Variants in ADCY3 observed in about 807,000 individuals in gnomAD.
ADCY3 encodes adenylate cyclase type 3.
In ADCY3, 70 loss-of-function variants were observed where a neutral mutation model predicts 119.4. The observed-to-expected ratio is 0.59, with a 90% CI of 0.48 to 0.72. The LOEUF (loss-of-function observed/expected upper bound fraction) is 0.72, where lower values mean the gene tolerates loss of function less well. ADCY3 is among the 30% of genes least tolerant of loss of function. The pLI is 0.00. For synonymous variants in ADCY3, 672 were observed against 621.4 expected (o/e 1.08, Z -1.21); for missense variants, 1,238 against 1,541.6 (o/e 0.80, Z 3.30).
chr2:24,821,719 T>C, intron 19 of ADCY3, 79 bp from the exon 20 acceptor site: 2 of 1,563,580 alleles, frequency 1.3e-6, no homozygotes, highest in African/African-American at 2.7e-5. Context: ...CTGGCAGTGT[T>C]CTGGGGGTGG....
At chr2:24,868,474 A>G (rs1674580087) in intron 3 of ADCY3, among the ~76,000 whole-genome samples, 1 of 151,176 alleles carries the variant, frequency 6.6e-6, no homozygotes, top group South Asian at 2.1e-4. Context: ...ACGTGGTGAA[A>G]CCCTGTCTTT....
intron 16 of ADCY3, among the ~76,000 whole-genome samples, chr2:24,825,313 G>A (rs907044563): frequency 6.9e-6 from 1 of 145,074 alleles, no homozygotes; most frequent in Non-Finnish European, 1.5e-5. Flanking sequence ...TTTTTTGTCC[G>A]GTTGAGTGCG....
Position 24,829,461 on chromosome 2 carries a change from T to C in ADCY3, c.2172+1248A>G, listed in dbSNP as rs528827353. On this transcript the variant is annotated intron_variant, in intron 13 of 21. Coordinates refer to ENST00000679454, the MANE Select transcript of ADCY3 (RefSeq NM_004036.5). ...TTTTTGAGACAAAGTCTCACTCTGT[T>C]GCCAGGCTGGAGTGCAGTGCACAAT... is the stretch of plus-strand genomic sequence containing the variant. Among the ~76,000 whole-genome samples, 257 of 131,742 alleles carry C rather than the reference T, an allele frequency of 2.0e-3. 1 individual carries two copies. The Middle Eastern group carries it at 0.024, about 12-fold the overall frequency. 86.4% of individuals were successfully genotyped at this position (131,742 alleles called of 152,430 possible).
intron 8 of ADCY3, 38 bp from the exon 9 acceptor site, chr2:24,837,083 G>A: frequency 1.2e-6 from 2 of 1,609,202 alleles, no homozygotes; most frequent in Non-Finnish European, 1.7e-6. Context: ...TCTGGGCATG[G>A]GATGAGAGTG....
intron 3 of ADCY3, among the ~76,000 whole-genome samples, chr2:24,861,593 A>G (rs1673661787): frequency 6.6e-6 from 1 of 152,096 alleles, no homozygotes; most frequent in African/African-American, 2.4e-5. Flanking sequence ...AGGAGCTTTT[A>G]CAGGAGGAAA....
chr2:24,875,988 G>GC (rs1009935647), intron 2 of ADCY3, among the ~76,000 whole-genome samples: 2 of 150,770 alleles, frequency 1.3e-5, no homozygotes, highest in Admixed American at 6.6e-5. Flanking sequence ...CTTCTTTTTG[G>GC]GAGGGGGGCG....
chr2:24,909,878 C>G (rs567247130), intron 2 of ADCY3, among the ~76,000 whole-genome samples: 10 of 152,212 alleles, frequency 6.6e-5, no homozygotes, highest in African/African-American at 2.4e-4. Context: ...CCTCTTGCAT[C>G]TGAGTTAGCC....
chr2:24,869,858 A>C (rs953027709), intron 3 of ADCY3, among the ~76,000 whole-genome samples: 1 of 152,208 alleles, frequency 6.6e-6, no homozygotes, highest in Non-Finnish European at 1.5e-5. Context: ...ATGGAAAGGA[A>C]GGAAAATGGC....
intron 2 of ADCY3, among the ~76,000 whole-genome samples, chr2:24,885,470 G>A (rs944769412): frequency 6.6e-6 from 1 of 152,214 alleles, no homozygotes; most frequent in Non-Finnish European, 1.5e-5. Context: ...ACACGGCGCA[G>A]GTCCTCAGTA....
Position 24,827,184 on chromosome 2 carries a change from C to T in ADCY3, c.2495+362G>A, listed in dbSNP as rs544247041. ...AGAGAACTTCTGGTTCAGTATCCTC[C>T]TCAAGAGATGAAATTGCAACTCATG... On this transcript the variant is annotated intron_variant, in intron 15 of 21. Transcript: ENST00000679454. Among the ~76,000 whole-genome samples, 3 of 152,312 alleles carry T rather than the reference C, an allele frequency of 2.0e-5. No individual in the cohort carries two copies. In the East Asian group the frequency reaches 5.8e-4, roughly 29 times the overall value.
chr2:24,891,746 G>A lies in ADCY3; in HGVS notation c.676-19027C>T, dbSNP rs193227626. On this transcript the variant is annotated intron_variant, in intron 2 of 21. Coordinates refer to ENST00000679454, the MANE Select transcript of ADCY3 (RefSeq NM_004036.5). ...AGTAACAGCTACAGTGCATAGTAAA[G>A]GGCTTAAAGATGAAAAAGGTATTAA... Among the ~76,000 whole-genome samples, 195 of 152,262 alleles carry A rather than the reference G, an allele frequency of 1.3e-3. 1 individual carries two copies. The highest frequency in any genetic ancestry group is 4.6e-3 in the African/African-American group (190 of 41,546).
intron 21 of ADCY3, 150 bp downstream of exon 21, chr2:24,820,574 G>A (rs1353522553): frequency 2.8e-6 from 4 of 1,450,816 alleles, no homozygotes; most frequent in Non-Finnish European, 3.7e-6. Flanking sequence ...GCTAGCTATT[G>A]CAGAGATTCT....
At position 24,906,350 on chromosome 2, in the gene ADCY3, A is replaced by G. The variant is rs144205016; in HGVS notation, c.675+11963T>C. Among the ~76,000 whole-genome samples, 10 of 152,304 alleles carry G rather than the reference A, an allele frequency of 6.6e-5. No individual in the cohort carries two copies. The East Asian group carries it at 1.7e-3, about 26-fold the overall frequency. On this transcript the variant is annotated intron_variant, in intron 2 of 21. Transcript: ENST00000679454. ...ACCCTAGATTGGGCTCTTCATGGAAATAAAGAGTGAATATCCCAAATTTGT... is the reference window on the plus strand; with the variant it reads ...ACCCTAGATTGGGCTCTTCATGGAAGTAAAGAGTGAATATCCCAAATTTGT...
intron 3 of ADCY3, among the ~76,000 whole-genome samples, chr2:24,845,679 T>G (rs1671571873): frequency 6.6e-6 from 1 of 152,246 alleles, no homozygotes; most frequent in South Asian, 2.1e-4. Context: ...TAATTCAAGC[T>G]GGCTGCAGAA....
chr2:24,880,250 T>C (rs1166455259), intron 2 of ADCY3, among the ~76,000 whole-genome samples: 1 of 152,220 alleles, frequency 6.6e-6, no homozygotes, highest in Non-Finnish European at 1.5e-5. Context: ...AGGTCCCTCA[T>C]GATCTGCCAG....
In ADCY3 at chr2:24,830,776, C is replaced by T. The variant is rs376869582; in HGVS notation, c.2105G>A (p.Arg702His). ...VAFSTWIDRTRWARNTWAMLA... is the reference protein window; with the variant it reads ...VAFSTWIDRTHWARNTWAMLA... ...CATGGCCCAGGTGTTCCTGGCCCAG[C>T]GGGTCCGGTCAATCCAAGTTGAGAA... The change falls in exon 13 of 22, where the codon CGC (arginine) becomes CAC (histidine). Residue 702 changes from arginine to histidine, a missense_variant. By Grantham distance (29) the Arg-to-His change is conservative (BLOSUM62 0). Transcript: ENST00000679454. 2.5e-6 allele frequency: 4 copies of T among 1,613,900 alleles called. No homozygotes were observed. Among genetic ancestry groups the T allele is most frequent in the Admixed American group, 1.7e-5 (1 of 59,988 alleles).
At position 24,918,740 on chromosome 2, in the gene ADCY3, A is replaced by T; in HGVS notation, c.248T>A (p.Val83Asp). The change falls in exon 2 of 22, where the codon GTC becomes GAC. Residue 83 changes from valine (V) to aspartate (D), a missense_variant. By Grantham distance (152) the Val-to-Asp change is radical (BLOSUM62 -3). This residue lies in a region of ADCY3 where 227 missense variants were observed against 249.3 expected (regional missense o/e 0.91). Transcript: ENST00000679454. The surrounding 1 kb of genome is among the most constrained non-coding windows in gnomAD (Gnocchi z 5.4). ...QRHETLLVLV[V>D]FAALFDCYVV... ...GTAGCAGTCAAAGAGGGCTGCAAAG[A>T]CCACCAGCACCAGCAGGGTCTCGTG... 3 of 1,613,994 alleles carry T rather than the reference A, an allele frequency of 1.9e-6. No individual in the cohort carries two copies. The highest frequency in any genetic ancestry group is 2.5e-6 in the Non-Finnish European group (3 of 1,180,010).
chr2:24,903,132 G>C (rs1339228939), intron 2 of ADCY3, among the ~76,000 whole-genome samples: 1 of 143,930 alleles, frequency 6.9e-6, no homozygotes, highest in African/African-American at 2.7e-5. Flanking sequence ...GGGTGACACA[G>C]AGAGAGACTC....
At chr2:24,888,835 C>T (rs551991632) in intron 2 of ADCY3, among the ~76,000 whole-genome samples, 1 of 152,228 alleles carries the variant, frequency 6.6e-6, no homozygotes, top group South Asian at 2.1e-4. Flanking sequence ...ATGGTGAGAC[C>T]CCGTCTCTAC....
Sources: gnomAD v4.1 joint callset for allele counts (sites outside exome capture counted in the v4.1 genomes callset) on GRCh38, gnomAD v4.1.1 for gene constraint, gnomAD v4.1.1 regional missense constraint, Gnocchi (gnomAD v3.1) non-coding constraint, MANE v1.5 for transcripts, NCBI Gene and HGNC (gene_info 2026-07-23, HGNC 2026-07-21) for gene names.